Variants in HEPH observed in about 807,000 individuals in gnomAD.
HEPH encodes hephaestin.
Under a neutral mutation model 80.8 loss-of-function variants are expected in HEPH, and 69 were observed. The observed-to-expected ratio is 0.85, with a 90% confidence interval of 0.70 to 1.04. HEPH has a LOEUF of 1.04. Ranked by LOEUF, HEPH falls within the 50% of genes least tolerant of loss-of-function variation. HEPH has a pLI of 0.00. For missense variants in HEPH, 1,115 were observed against 891.3 expected (o/e 1.25, Z -3.20); for synonymous variants, 431 against 322.8 (o/e 1.34, Z -3.60).
At chrX:66,233,270 C>T (rs1420817159) in intron 15 of HEPH, among the ~76,000 whole-genome samples, 4 of 111,547 alleles carry the variant, frequency 3.6e-5, no homozygotes, top group Non-Finnish European at 7.5e-5. Flanking sequence ...CAAAATCCCA[C>T]CAGGTATGAT....
At chrX:66,174,321 C>T (rs948422523) in intron 4 of HEPH, among the ~76,000 whole-genome samples, 2 of 111,627 alleles carry the variant, frequency 1.8e-5, no homozygotes, top group Non-Finnish European at 3.8e-5. Context: ...TCATTCAGGT[C>T]GCTGCAGATG....
Position 66,199,036 on chromosome X carries a change from G to T in HEPH, c.1864+8G>T, listed in dbSNP as rs1289111573. On this transcript the variant is annotated splice_region_variant and intron_variant, in intron 11 of 20. Transcript: ENST00000343002. ...ACTCCAATCGGATGCATGGTATGGG[G>T]AGTACTTTTGCCCTGGGCTAAATTG... 1 of 1,203,617 alleles carries T rather than the reference G, an allele frequency of 8.3e-7. No homozygotes were observed. The highest frequency in any genetic ancestry group is 1.1e-6 in the Non-Finnish European group (1 of 889,617).
At chrX:66,257,182 A>C (rs2091207780) in intron 17 of HEPH, among the ~76,000 whole-genome samples, 1 of 112,271 alleles carries the variant, frequency 8.9e-6, no homozygotes, top group Non-Finnish European at 1.9e-5. Flanking sequence ...CAGACTTCAC[A>C]AGGCAGAAAT....
intron 12 of HEPH, among the ~76,000 whole-genome samples, chrX:66,202,011 G>C (rs946005787): frequency 8.9e-6 from 1 of 111,793 alleles, no homozygotes; most frequent in Non-Finnish European, 1.9e-5. Context: ...AAAGAGAGGG[G>C]CACTTAGCCC....
chrX:66,260,641 G>C (rs758064082), intron 19 of HEPH, among the ~76,000 whole-genome samples: 2 of 112,412 alleles, frequency 1.8e-5, no homozygotes, highest in Non-Finnish European at 3.8e-5. Flanking sequence ...GACTTCATTA[G>C]AGTAACTGAT....
intron 15 of HEPH, among the ~76,000 whole-genome samples, chrX:66,230,930 A>C (rs12011313): frequency 0.019 from 1,962 of 103,217 alleles, 49 homozygotes; most frequent in African/African-American, 0.065. Flanking sequence ...TAAATCTTTA[A>C]TCCATCTTGA....
chrX:66,227,792 A>G (rs1316497611), intron 15 of HEPH, among the ~76,000 whole-genome samples: 1 of 111,222 alleles, frequency 9.0e-6, no homozygotes, highest in Non-Finnish European at 1.9e-5. Flanking sequence ...TGTTTTGGTG[A>G]CTATGGCCTT....
intron 15 of HEPH, among the ~76,000 whole-genome samples, chrX:66,248,065 C>A (rs769974998): frequency 9.1e-6 from 1 of 110,113 alleles, no homozygotes; most frequent in East Asian, 2.9e-4. Context: ...CTCTGGACCC[C>A]ATTCCCTCTC....
chrX:66,177,080 C>T (rs1369249017), intron 4 of HEPH, among the ~76,000 whole-genome samples: 1 of 111,301 alleles, frequency 9.0e-6, no homozygotes, highest in East Asian at 2.8e-4. Flanking sequence ...TGACGAAGGG[C>T]TAATATCCAG....
chrX:66,252,985 T>G (rs1337016091), intron 15 of HEPH, among the ~76,000 whole-genome samples: 1 of 112,380 alleles, frequency 8.9e-6, no homozygotes, highest in African/African-American at 3.2e-5. Context: ...ATATAAAAGC[T>G]AAAGCTATAA....
At position 66,255,075 on chromosome X, in the gene HEPH, T is replaced by C. The variant is rs753796350; in HGVS notation, c.2604T>C (p.Ser868=). The change falls in exon 16 of 21, where the codon TCT becomes TCC. Residue 868 remains serine, a synonymous_variant. Transcript: ENST00000343002. The part of the protein sequence containing the change: ...VTYQWNIPER[S]GPGPNDSACV... ...ATCAGTGGAACATCCCAGAGAGGTC[T>C]GGCCCTGGGCCCAATGACTCTGCTT... is the stretch of plus-strand genomic sequence containing the variant. 2.5e-6 allele frequency: 3 copies of C among 1,208,466 alleles called. No homozygotes were observed. Among genetic ancestry groups the C allele is most frequent in the Non-Finnish European group, 3.4e-6 (3 of 893,335 alleles).
chrX:66,233,047 T>C (rs1010645184), intron 15 of HEPH, among the ~76,000 whole-genome samples: 3 of 110,916 alleles, frequency 2.7e-5, no homozygotes, highest in African/African-American at 9.9e-5. Flanking sequence ...ATGATTATGA[T>C]CTAAGCAAAA....
chrX:66,254,924 GA>G (rs1368594991), intron 15 of HEPH, 110 bp from the exon 16 acceptor site: 2 of 416,464 alleles, frequency 4.8e-6, no homozygotes, highest in Non-Finnish European at 8.3e-6. Flanking sequence ...GAATGATGAA[GA>G]AAGATCCTAA....
At chrX:66,202,943 A>G (rs1274170268) in intron 12 of HEPH, among the ~76,000 whole-genome samples, 1 of 103,386 alleles carries the variant, frequency 9.7e-6, no homozygotes, top group African/African-American at 3.5e-5. Context: ...ATATATACAC[A>G]CACACACACA....
At chrX:66,239,708 G>GAC (rs1234956019) in intron 15 of HEPH, among the ~76,000 whole-genome samples, 56 of 111,559 alleles carry the variant, frequency 5.0e-4, no homozygotes, top group African/African-American at 1.6e-3. Context: ...GAGCAGAAAG[G>GAC]ACACACTCTT....
At chrX:66,224,081 C>A (rs758336401) in intron 15 of HEPH, among the ~76,000 whole-genome samples, 35 of 85,070 alleles carry the variant, frequency 4.1e-4, no homozygotes, top group Non-Finnish European at 5.8e-4. Flanking sequence ...CCCCTCTTTC[C>A]CCCGCTTTTT....
At chrX:66,190,488 A>G (rs1470828445) in intron 6 of HEPH, among the ~76,000 whole-genome samples, 1 of 111,038 alleles carries the variant, frequency 9.0e-6, no homozygotes, top group Non-Finnish European at 1.9e-5. Context: ...GTATGAAGCA[A>G]TGGAAAGAAT....
chrX:66,204,187 T>C (rs1382414822), intron 13 of HEPH, among the ~76,000 whole-genome samples: 2 of 111,757 alleles, frequency 1.8e-5, no homozygotes, highest in Non-Finnish European at 3.8e-5. Context: ...GCATGGAAAT[T>C]GTATATATCA....
downstream of HEPH, chrX:66,268,387 G>A (rs1461329257): frequency 8.9e-6 from 1 of 112,014 alleles, no homozygotes; most frequent in Non-Finnish European, 1.9e-5. Flanking sequence ...TTTTTCCATG[G>A]TCAATGGGTT....
Sources: gnomAD v4.1 joint callset for allele counts (sites outside exome capture counted in the v4.1 genomes callset) on GRCh38, gnomAD v4.1.1 for gene constraint, MANE v1.5 for transcripts, NCBI Gene and HGNC (gene_info 2026-07-23, HGNC 2026-07-21) for gene names.